MDN1: variants seen among roughly 807,000 people sequenced by gnomAD.
MDN1 encodes the protein midasin AAA ATPase 1.
MDN1 carries 266 observed loss-of-function variants against 669.2 expected under a neutral mutation model. That is an observed-to-expected ratio of 0.40 (90% confidence interval 0.36 to 0.44). MDN1 has a LOEUF of 0.44. Ranked by LOEUF, MDN1 falls within the 20% of genes least tolerant of loss-of-function variation. MDN1 has a pLI of 1.00. For synonymous variants in MDN1, 2,385 were observed against 2,457.1 expected, an observed-to-expected ratio of 0.97 and a Z score of 0.87; for missense variants, 5,940 against 6,754.0, an observed-to-expected ratio of 0.88 and a Z score of 4.22.
At chr6:89,810,394 C>T (rs548290819) in intron 1 of MDN1, among the ~76,000 whole-genome samples, 8 of 152,100 alleles carry the variant, frequency 5.3e-5, no homozygotes, top group Admixed American at 3.9e-4. Context: ...CGAGATCGTG[C>T]CACTGTACTC....
Position 89,696,513 on chromosome 6 carries a change from C to T in MDN1, c.9230G>A (p.Ser3077Asn). The T allele has an allele frequency of 6.2e-7, 1 of 1,614,188 alleles. No homozygotes were observed. Among genetic ancestry groups the T allele is most frequent in the South Asian group, 1.1e-5 (1 of 91,088 alleles). The change falls in exon 60 of 102, where the codon AGC becomes AAC. Residue 3077 changes from serine (S) to asparagine (N), a missense_variant. This residue lies in a region of MDN1 where 2,292 missense variants were observed against 2,638.3 expected (regional missense o/e 0.87). Transcript: ENST00000369393. ...CACATCCCAGGGACTTGCTCTCCAG[C>T]TGCTGGTTAAGACTTCAAAGCAGCA... Reference protein sequence around the residue: ...SKCCFEVLTSSWRASPWDVSG... With the variant: ...SKCCFEVLTSNWRASPWDVSG...
rs1333098639 is a variant in MDN1 at position 89,712,593 on chromosome 6, T to C, written c.7412A>G (p.Lys2471Arg). ...CACTGACCTTGTCCAGCTGCTGGTT[T>C]TCATGCTCATCCTGTTGAGACAATA... is the stretch of plus-strand genomic sequence containing the variant. ...LVYCLNRMSM[K>R]TSSWTRSQPF... The change falls in exon 48 of 102, where the codon AAA (lysine) becomes AGA (arginine). Residue 2471 changes from lysine (K) to arginine (R), a missense_variant. Lys to Arg is a conservative substitution (Grantham distance 26). Coordinates refer to ENST00000369393, the MANE Select transcript of MDN1 (RefSeq NM_014611.3). 6.2e-7 allele frequency: 1 copy of C among 1,614,116 alleles called. No individual in the cohort carries two copies. The highest frequency in any genetic ancestry group is 8.5e-7 in the Non-Finnish European group (1 of 1,179,998).
intron 33 of MDN1, among the ~76,000 whole-genome samples, chr6:89,738,115 G>A (rs918736970): frequency 6.6e-6 from 1 of 152,170 alleles, no homozygotes; most frequent in Admixed American, 6.5e-5. Flanking sequence ...TGTGTCAAGT[G>A]GTAATGATGA....
chr6:89,800,070 T>C (rs1324723362), intron 2 of MDN1, among the ~76,000 whole-genome samples: 1 of 151,842 alleles, frequency 6.6e-6, no homozygotes, highest in African/African-American at 2.4e-5. Flanking sequence ...TAAGATGATC[T>C]CCAATGGTCA....
At chr6:89,669,873 C>T (rs1054753138) in intron 83 of MDN1, among the ~76,000 whole-genome samples, 5 of 151,738 alleles carry the variant, frequency 3.3e-5, no homozygotes, top group East Asian at 2.0e-4. Context: ...TTCACAATAC[C>T]GGGTACATGG....
In MDN1 at chr6:89,655,851, C is replaced by G. The variant is rs1022909629; in HGVS notation, c.15403G>C (p.Ala5135Pro). The G allele has an allele frequency of 1.2e-6, 2 of 1,614,120 alleles. No individual in the cohort carries two copies. Among genetic ancestry groups the G allele is most frequent in the Admixed American group, 1.7e-5 (1 of 60,018 alleles). ...TCCACCTGGGCCTGGGGCTGCTGAG[C>G]TGGCCCCTGCTCGGCATGGCTGTCC... ...DTDSHAEQGP[A>P]QQPQAQVEDA... Residue 5135 changes from alanine (A) to proline (P), a missense_variant, in exon 92 of 102, where the codon GCT (alanine) becomes CCT (proline). Coordinates refer to ENST00000369393, the MANE Select transcript of MDN1 (RefSeq NM_014611.3).
intron 1 of MDN1, among the ~76,000 whole-genome samples, chr6:89,803,864 A>G (rs1416655414): frequency 4.9e-5 from 7 of 142,540 alleles, no homozygotes; most frequent in African/African-American, 1.8e-4. Context: ...TACAGGCGTG[A>G]GCCACCGCGC....
intron 17 of MDN1, 94 bp from the exon 18 acceptor site, chr6:89,759,054 G>A (rs188751529): frequency 1.5e-6 from 2 of 1,311,656 alleles, no homozygotes; most frequent in East Asian, 4.9e-5. Context: ...ATAGAGGCGG[G>A]GCAAATCTTT....
At position 89,740,324 on chromosome 6, in the gene MDN1, G is replaced by T; in HGVS notation, c.4503C>A (p.Asp1501Glu). Reference protein sequence around the residue: ...LVLAEKGSPEDKDSEIELLTA... With the variant: ...LVLAEKGSPEEKDSEIELLTA... ...TCAACAGCTCTATTTCACTATCCTT[G>T]TCCTCTGGACTGCCTTTTTCAGCTA... The change falls in exon 32 of 102, where the codon GAC becomes GAA. Residue 1501 changes from aspartate to glutamate, a missense_variant. Around this residue, in one of 5 missense-constraint regions of MDN1, gnomAD observed 2,292 missense variants for 2,638.3 expected, o/e 0.87. Coordinates refer to ENST00000369393, the MANE Select transcript of MDN1 (RefSeq NM_014611.3). 6.2e-7 allele frequency: 1 copy of T among 1,605,324 alleles called. No homozygotes were observed. Among genetic ancestry groups the T allele is most frequent in the Non-Finnish European group, 8.5e-7 (1 of 1,177,528 alleles).
chr6:89,760,534 C>T (rs1817488330), intron 17 of MDN1, among the ~76,000 whole-genome samples: 1 of 152,092 alleles, frequency 6.6e-6, no homozygotes, highest in South Asian at 2.1e-4. Context: ...ATCCCCTGTT[C>T]ATTGCACCAC....
chr6:89,813,560 A>C (rs1006066352), intron 1 of MDN1, among the ~76,000 whole-genome samples: 10 of 151,432 alleles, frequency 6.6e-5, no homozygotes, highest in African/African-American at 1.5e-4. Context: ...AAAAAAAAAA[A>C]AAAAAACAAA....
At chr6:89,774,573 G>T in intron 13 of MDN1, 48 bp downstream of exon 13, 1 of 1,412,752 alleles carries the variant, frequency 7.1e-7, no homozygotes, top group Non-Finnish European at 1.0e-6. Context: ...CTTCTGTCAA[G>T]TTTCTGGAAA....
chr6:89,656,811 C>G lies in MDN1; in HGVS notation c.15184-10G>C, dbSNP rs764292165. Reference sequence around the variant, plus strand: ...CTCCACTTCCGTGTTCCTAGGAAATCCAAGCCACAAAAGAATGAGGTGAAA... The same window carrying G: ...CTCCACTTCCGTGTTCCTAGGAAATGCAAGCCACAAAAGAATGAGGTGAAA... On this transcript the variant is annotated splice_polypyrimidine_tract_variant and intron_variant, in intron 90 of 101. Coordinates refer to ENST00000369393, the MANE Select transcript of MDN1 (RefSeq NM_014611.3). 1.2e-6 allele frequency: 2 copies of G among 1,609,304 alleles called. No homozygotes were observed. Among genetic ancestry groups the G allele is most frequent in the Non-Finnish European group, 1.7e-6 (2 of 1,177,150 alleles).
At chr6:89,690,892 G>A in intron 63 of MDN1, 58 bp from the exon 64 acceptor site, 1 of 1,551,398 alleles carries the variant, frequency 6.4e-7, no homozygotes, top group Non-Finnish European at 8.8e-7. Flanking sequence ...ATTCACAAAG[G>A]CAAGATTTGC....
At chr6:89,750,709 C>A (rs1055070748) in intron 23 of MDN1, among the ~76,000 whole-genome samples, 177 bp from the exon 24 acceptor site, 1 of 152,116 alleles carries the variant, frequency 6.6e-6, no homozygotes, top group African/African-American at 2.4e-5. Flanking sequence ...CTCAAGTGAT[C>A]CTCCCACCTC....
intron 1 of MDN1, among the ~76,000 whole-genome samples, chr6:89,810,968 G>A (rs1304280147): frequency 6.6e-6 from 1 of 152,110 alleles, no homozygotes; most frequent in Non-Finnish European, 1.5e-5. Flanking sequence ...AAGCCTGGGC[G>A]AAAGAGAAAC....
In MDN1 at chr6:89,751,430, C is replaced by A; in HGVS notation, c.3227+1G>T. On this transcript the variant is annotated splice_donor_variant, in intron 23 of 101. Transcript: ENST00000369393. LOFTEE classifies it high-confidence loss of function. Reference sequence around the variant, plus strand: ...GGGCAGCGAGAAAAAAGCCCACACACCCTGCAGAGACAACTCGGACTATAT... The same window carrying A: ...GGGCAGCGAGAAAAAAGCCCACACAACCTGCAGAGACAACTCGGACTATAT... 1.2e-6 allele frequency: 2 copies of A among 1,614,148 alleles called. No individual in the cohort carries two copies. Among genetic ancestry groups the A allele is most frequent in the Non-Finnish European group, 1.7e-6 (2 of 1,180,020 alleles).
chr6:89,806,064 A>G (rs1020329274), intron 1 of MDN1, among the ~76,000 whole-genome samples: 20 of 152,082 alleles, frequency 1.3e-4, no homozygotes, highest in African/African-American at 4.8e-4. Context: ...GAGTCCCCTA[A>G]GTAGCTAGGA....
At chr6:89,765,658 T>G (rs1817773270) in intron 15 of MDN1, among the ~76,000 whole-genome samples, 1 of 152,120 alleles carries the variant, frequency 6.6e-6, no homozygotes, top group African/African-American at 2.4e-5. Context: ...GGATCCAAAG[T>G]TAACTGAAGA....
Sources: gnomAD v4.1 joint callset for allele counts (sites outside exome capture counted in the v4.1 genomes callset) on GRCh38, gnomAD v4.1.1 for gene constraint, gnomAD v4.1.1 regional missense constraint, MANE v1.5 for transcripts, NCBI Gene and HGNC (gene_info 2026-07-23, HGNC 2026-07-21) for gene names.